Variants in DMD observed in about 807,000 individuals in gnomAD.
DMD encodes mutant dystrophin.
DMD carries 63 observed loss-of-function variants against 330.1 expected under a neutral mutation model. That is an observed-to-expected ratio of 0.19 (90% confidence interval 0.16 to 0.24). The LOEUF is 0.24. DMD is among the 10% of genes least tolerant of loss of function. DMD has a pLI of 1.00. For missense variants in DMD, 3,344 were observed against 2,684.1 expected (o/e 1.25, Z -5.43); for synonymous variants, 1,223 against 959.8 (o/e 1.27, Z -5.07).
chrX:31,864,121 C>T (rs1371862775), intron 48 of DMD, among the ~76,000 whole-genome samples: 1 of 110,895 alleles, frequency 9.0e-6, no homozygotes, highest in Admixed American at 9.6e-5. Flanking sequence ...AATGTGCAAG[C>T]AGATATTCAA....
chrX:31,805,980 G>C (rs1192328302), intron 50 of DMD, among the ~76,000 whole-genome samples: 1 of 112,115 alleles, frequency 8.9e-6, no homozygotes, highest in Non-Finnish European at 1.9e-5. Context: ...TTGGAACACA[G>C]CCACACTTAT....
Position 32,470,912 on chromosome X carries a change from A to C in DMD, c.2949+1252T>G, listed in dbSNP as rs1036144536. On this transcript the variant is annotated intron_variant, in intron 22 of 78. Transcript: ENST00000357033. ...AATGCACATATTATCTCAGCTTCTAAATATAACTAATACGTTTTCATGTCT... is the reference window on the plus strand; with the variant it reads ...AATGCACATATTATCTCAGCTTCTACATATAACTAATACGTTTTCATGTCT... Among the ~76,000 whole-genome samples, 6 of 112,187 alleles carry C rather than the reference A, an allele frequency of 5.3e-5. No homozygotes were observed. In the Admixed American group the frequency reaches 5.7e-4, roughly 11 times the overall value.
At chrX:32,280,342 T>C (rs2097415544) in intron 43 of DMD, among the ~76,000 whole-genome samples, 1 of 109,331 alleles carries the variant, frequency 9.1e-6, no homozygotes, top group South Asian at 3.9e-4. Context: ...TTTCTTCCAG[T>C]CAGTAAAACA....
chrX:33,239,971 G>A (rs73623930), intron 1 of DMD, among the ~76,000 whole-genome samples: 1,555 of 109,991 alleles, frequency 0.014, 35 homozygotes, highest in African/African-American at 0.049. Context: ...CGTGTATAAA[G>A]TGCAGGAAAA....
chrX:32,657,852 A>C (rs1172522156), intron 9 of DMD, among the ~76,000 whole-genome samples: 5 of 111,825 alleles, frequency 4.5e-5, no homozygotes, highest in Admixed American at 1.9e-4. Flanking sequence ...ATGGAAAAAC[A>C]CCAAGTCTTA....
chrX:31,222,392 C>CAAAAAAA (rs57227723), intron 64 of DMD, among the ~76,000 whole-genome samples: 6 of 20,605 alleles, frequency 2.9e-4, no homozygotes, highest in East Asian at 2.0e-3. Context: ...GACTCCATCT[C>CAAAAAAA]AAAAAAAAAA....
intron 47 of DMD, among the ~76,000 whole-genome samples, chrX:31,891,776 G>A (rs2094255615): frequency 9.0e-6 from 1 of 111,612 alleles, no homozygotes; most frequent in African/African-American, 3.3e-5. Context: ...GCTGACCTCT[G>A]CTCTAGGTGT....
chrX:32,544,679 C>T (rs779038947), intron 17 of DMD, among the ~76,000 whole-genome samples: 2 of 110,542 alleles, frequency 1.8e-5, no homozygotes, highest in Non-Finnish European at 3.8e-5. Flanking sequence ...TCTGTAATTA[C>T]TCCTGATTTA....
At chrX:31,206,213 T>C (rs1209336200) in intron 66 of DMD, among the ~76,000 whole-genome samples, 1 of 112,494 alleles carries the variant, frequency 8.9e-6, no homozygotes, top group Non-Finnish European at 1.9e-5. Flanking sequence ...ATGGTATTCT[T>C]TAAATAAGAA....
intron 60 of DMD, among the ~76,000 whole-genome samples, chrX:31,439,491 A>C (rs995242653): frequency 1.2e-5 from 1 of 83,756 alleles, no homozygotes; most frequent in Non-Finnish European, 2.9e-5. Context: ...CTTTGGAAGA[A>C]GCTTAGGAAA....
intron 44 of DMD, among the ~76,000 whole-genome samples, chrX:32,196,880 G>C (rs2097004521): frequency 1.9e-5 from 2 of 107,279 alleles, no homozygotes; most frequent in South Asian, 8.4e-4. Context: ...CAGCTACTCG[G>C]GAGGCTGAGG....
chrX:32,364,797 C>A, intron 35 of DMD, 87 bp from the exon 36 acceptor site: 1 of 1,051,099 alleles, frequency 9.5e-7, no homozygotes. Flanking sequence ...GTTTAAAAGA[C>A]AACAATAAAG....
chrX:32,335,712 T>C (rs959231303), intron 41 of DMD, among the ~76,000 whole-genome samples: 6 of 77,720 alleles, frequency 7.7e-5, no homozygotes, highest in South Asian at 6.1e-4. Flanking sequence ...ACATAACATG[T>C]ATATATAACA....
At position 32,491,414 on chromosome X, in the gene DMD, G is replaced by C. The variant is rs753662330; in HGVS notation, c.2485C>G (p.Gln829Glu). ...TTATAGAAAGCGATGATGTTGTTCT[G>C]ATACTCCAGCCAGTTAAGTCTCTCA... ...LSERLNWLEYQNNIIAFYNQL... is the reference protein window; with the variant it reads ...LSERLNWLEYENNIIAFYNQL... Residue 829 changes from glutamine to glutamate, a missense_variant, in exon 20 of 79, where the codon CAG (glutamine) becomes GAG (glutamate). By Grantham distance (29) the Gln-to-Glu change is conservative (BLOSUM62 2). Transcript: ENST00000357033. 1.7e-6 allele frequency: 2 copies of C among 1,211,466 alleles called. No homozygotes were observed. Among genetic ancestry groups the C allele is most frequent in the Non-Finnish European group, 2.2e-6 (2 of 895,388 alleles).
At chrX:32,027,466 C>A (rs1444735115) in intron 44 of DMD, among the ~76,000 whole-genome samples, 5 of 111,237 alleles carry the variant, frequency 4.5e-5, no homozygotes, top group African/African-American at 1.6e-4. Flanking sequence ...AACCTGGATT[C>A]TTTCCTAATA....
chrX:32,252,598 AT>A (rs2097268062), intron 43 of DMD, among the ~76,000 whole-genome samples: 1 of 44,014 alleles, frequency 2.3e-5, no homozygotes, highest in African/African-American at 1.2e-4. Flanking sequence ...ATATATATAT[AT>A]AAACATATAT....
intron 49 of DMD, among the ~76,000 whole-genome samples, chrX:31,829,713 T>C (rs2092977908): frequency 8.9e-6 from 1 of 112,099 alleles, no homozygotes; most frequent in South Asian, 3.7e-4. Flanking sequence ...CTATTTGAGT[T>C]TGAGATTTTC....
At chrX:31,269,812 T>C (rs1373827472) in intron 62 of DMD, among the ~76,000 whole-genome samples, 2 of 112,033 alleles carry the variant, frequency 1.8e-5, no homozygotes, top group East Asian at 5.6e-4. Flanking sequence ...CCTAAGGGAC[T>C]GTGCAGGATG....
intron 53 of DMD, among the ~76,000 whole-genome samples, chrX:31,667,176 A>T (rs2081478104): frequency 9.0e-6 from 1 of 111,453 alleles, no homozygotes; most frequent in African/African-American, 3.3e-5. Flanking sequence ...GAATGTATTG[A>T]TACAATTTGG....
Sources: gnomAD v4.1 joint callset for allele counts (sites outside exome capture counted in the v4.1 genomes callset) on GRCh38, gnomAD v4.1.1 for gene constraint, MANE v1.5 for transcripts, NCBI Gene and HGNC (gene_info 2026-07-23, HGNC 2026-07-21) for gene names.